The following ADK variants were observed in gnomAD, a reference collection of about 807,000 sequenced individuals.
The protein encoded by ADK is adenosine kinase.
A neutral mutation model predicts 44.7 loss-of-function variants in ADK; 24 were observed. The ratio of observed to expected loss-of-function variants is 0.54; its 90% CI spans 0.39 to 0.76. The LOEUF (loss-of-function observed/expected upper bound fraction) is 0.76. Ranked by LOEUF, ADK falls within the 30% of genes least tolerant of loss-of-function variation. The pLI, the probability that ADK is intolerant of heterozygous loss-of-function variation, is 0.00. For synonymous variants in ADK, 128 were observed against 142.6 expected (o/e 0.90, Z 0.73); for missense variants, 321 against 425.1 (o/e 0.76, Z 2.15).
At chr10:74,191,071 C>A (rs1842938076) in intron 1 of ADK, among the ~76,000 whole-genome samples, 1 of 150,488 alleles carries the variant, frequency 6.6e-6, no homozygotes, top group African/African-American at 2.4e-5. Flanking sequence ...ACCTCTGCCT[C>A]CCAGGTTCAA....
At chr10:74,207,106 C>G (rs1843631941) in intron 2 of ADK, among the ~76,000 whole-genome samples, 1 of 152,198 alleles carries the variant, frequency 6.6e-6, no homozygotes. Context: ...GGGTGGGCAT[C>G]TCCAGGCACT....
intron 6 of ADK, among the ~76,000 whole-genome samples, chr10:74,463,152 C>T (rs1846228557): frequency 6.6e-6 from 1 of 151,970 alleles, no homozygotes; most frequent in African/African-American, 2.4e-5. Flanking sequence ...TACTGGGGGT[C>T]CCCAACCTTT....
At chr10:74,461,481 T>C (rs1993861) in intron 6 of ADK, among the ~76,000 whole-genome samples, 92,370 of 151,986 alleles carry the variant, frequency 0.61, 30,456 homozygotes, top group Middle Eastern at 0.78. Context: ...ACATCTCTGA[T>C]CCTTCCCTAT....
At chr10:74,396,824 C>T (rs188583012) in intron 5 of ADK, among the ~76,000 whole-genome samples, 54 of 151,984 alleles carry the variant, frequency 3.6e-4, no homozygotes, top group African/African-American at 1.1e-3. Flanking sequence ...AGCATCATGG[C>T]GGGCACTTGT....
rs546836585 is a variant in ADK at position 74,705,322 on chromosome 10, A to T, written c.965-2999A>T. Among the ~76,000 whole-genome samples, 5 of 152,352 alleles carry T rather than the reference A, an allele frequency of 3.3e-5. No individual in the cohort carries two copies. The East Asian group carries it at 9.6e-4, about 29-fold the overall frequency. Reference sequence around the variant, plus strand: ...GCAGCTCAGGTTTCCCCTAAGGGGAAGGTAGCCCAGATTCTTCTGCTCTTG... The same window carrying T: ...GCAGCTCAGGTTTCCCCTAAGGGGATGGTAGCCCAGATTCTTCTGCTCTTG... On this transcript the variant is annotated intron_variant, in intron 10 of 10. Coordinates refer to ENST00000539909, the MANE Select transcript of ADK (RefSeq NM_006721.4).
intron 6 of ADK, among the ~76,000 whole-genome samples, chr10:74,475,560 T>G (rs888865556): frequency 6.6e-6 from 1 of 150,634 alleles, no homozygotes; most frequent in Non-Finnish European, 1.5e-5. Context: ...AAAAAAAAAT[T>G]AGCCAGGCAT....
chr10:74,527,199 A>G (rs1348163933), intron 7 of ADK, among the ~76,000 whole-genome samples: 1 of 152,176 alleles, frequency 6.6e-6, no homozygotes, highest in African/African-American at 2.4e-5. Flanking sequence ...GTCTCTACTT[A>G]AAATACAAAA....
At chr10:74,665,296 T>C (rs1008218264) in intron 9 of ADK, among the ~76,000 whole-genome samples, 2 of 152,338 alleles carry the variant, frequency 1.3e-5, no homozygotes, top group African/African-American at 2.4e-5. Flanking sequence ...TTATAAGCAA[T>C]GGCATAAGAA....
intron 7 of ADK, among the ~76,000 whole-genome samples, chr10:74,555,787 A>C (rs865956844): frequency 2.6e-5 from 4 of 152,164 alleles, no homozygotes; most frequent in African/African-American, 9.7e-5. Context: ...AAGCACCTAG[A>C]AGGTTGAGAT....
At chr10:74,514,609 T>G (rs965618163) in intron 6 of ADK, among the ~76,000 whole-genome samples, 3 of 152,280 alleles carry the variant, frequency 2.0e-5, no homozygotes, top group Admixed American at 2.0e-4. Context: ...TCATTCTTTT[T>G]TATGATATCT....
intron 2 of ADK, among the ~76,000 whole-genome samples, chr10:74,210,158 C>T (rs1044308098): frequency 3.3e-5 from 5 of 151,868 alleles, no homozygotes; most frequent in South Asian, 2.1e-4. Flanking sequence ...GGTGAAACCC[C>T]ATCTCTATTG....
intron 4 of ADK, among the ~76,000 whole-genome samples, chr10:74,380,660 A>C (rs1277760971): frequency 1.3e-5 from 2 of 152,094 alleles, no homozygotes; most frequent in African/African-American, 4.8e-5. Flanking sequence ...TGGGAGGCTG[A>C]GGCAGGACAA....
chr10:74,471,762 C>T (rs1048061365), intron 6 of ADK, among the ~76,000 whole-genome samples: 1 of 152,012 alleles, frequency 6.6e-6, no homozygotes, highest in African/African-American at 2.4e-5. Context: ...ATTTTTAATG[C>T]TATTATTAAT....
At chr10:74,413,369 T>G (rs1302382787) in intron 6 of ADK, among the ~76,000 whole-genome samples, 1 of 152,232 alleles carries the variant, frequency 6.6e-6, no homozygotes, top group African/African-American at 2.4e-5. Context: ...TGTTGTTCAG[T>G]GCAGCCACCT....
intron 4 of ADK, among the ~76,000 whole-genome samples, chr10:74,320,673 A>G (rs1840777368): frequency 1.3e-5 from 2 of 152,150 alleles, no homozygotes; most frequent in South Asian, 2.1e-4. Context: ...ATAGAAAAAA[A>G]CACCATGGTG....
chr10:74,437,610 CA>C (rs1481874034), intron 6 of ADK, among the ~76,000 whole-genome samples: 2 of 152,108 alleles, frequency 1.3e-5, no homozygotes, highest in Non-Finnish European at 2.9e-5. Flanking sequence ...TATTACAGAC[CA>C]TTAGTATTTT....
intron 6 of ADK, among the ~76,000 whole-genome samples, chr10:74,519,188 G>A (rs935484488): frequency 6.6e-6 from 1 of 151,786 alleles, no homozygotes; most frequent in Non-Finnish European, 1.5e-5. Flanking sequence ...TCTTTGAAAT[G>A]TACCTATTTT....
chr10:74,506,954 A>C (rs1848099113), intron 6 of ADK, among the ~76,000 whole-genome samples: 1 of 152,200 alleles, frequency 6.6e-6, no homozygotes, highest in South Asian at 2.1e-4. Flanking sequence ...TCTTGAAAAA[A>C]TTTTTACACA....
At chr10:74,624,803 G>T (rs574776692) in intron 9 of ADK, among the ~76,000 whole-genome samples, 5 of 152,112 alleles carry the variant, frequency 3.3e-5, no homozygotes, top group African/African-American at 1.2e-4. Flanking sequence ...AATCATTATA[G>T]ATATTTAAAC....
Sources: gnomAD v4.1 joint callset for allele counts (sites outside exome capture counted in the v4.1 genomes callset) on GRCh38, gnomAD v4.1.1 for gene constraint, MANE v1.5 for transcripts, NCBI Gene and HGNC (gene_info 2026-07-23, HGNC 2026-07-21) for gene names.